The following KCNMA1 variants were observed in gnomAD, a reference collection of about 807,000 sequenced individuals.
KCNMA1 encodes the protein Calcium-activated potassium channel subunit alpha-1.
A neutral mutation model predicts 140.0 loss-of-function variants in KCNMA1; 29 were observed. The observed-to-expected ratio is 0.21, with a 90% CI of 0.15 to 0.28. The LOEUF (loss-of-function observed/expected upper bound fraction) is 0.28. Among genes scored for constraint, KCNMA1 ranks in the 10% least tolerant of loss-of-function variants. The pLI is 1.00. For synonymous variants in KCNMA1, 612 were observed against 611.9 expected (o/e 1.00, Z 0.00); for missense variants, 880 against 1,602.2 (o/e 0.55, Z 7.70).
chr10:77,110,419 C>T, intron 7 of KCNMA1, 76 bp from the exon 8 acceptor site: 4 of 1,320,406 alleles, frequency 3.0e-6, no homozygotes, highest in Admixed American at 1.7e-5. Flanking sequence ...CGCGGAAGCT[C>T]GGCACTCTCG....
chr10:77,631,646 G>C (rs2093220457), intron 1 of KCNMA1, among the ~76,000 whole-genome samples: 9 of 152,196 alleles, frequency 5.9e-5, no homozygotes, highest in Admixed American at 5.9e-4. Context: ...GAGAGAGAGA[G>C]AAAGAGAGAG....
intron 1 of KCNMA1, among the ~76,000 whole-genome samples, chr10:77,554,597 CAAAAA>C (rs59754706): frequency 3.6e-5 from 3 of 84,096 alleles, no homozygotes; most frequent in South Asian, 4.6e-4. Context: ...TACTCCATCT[CAAAAA>C]AAAAAAAAAA....
At chr10:77,396,042 T>C (rs1280030448) in intron 2 of KCNMA1, among the ~76,000 whole-genome samples, 1 of 152,170 alleles carries the variant, frequency 6.6e-6, no homozygotes, top group Non-Finnish European at 1.5e-5. Flanking sequence ...TGGGATGAAA[T>C]ACAGAACCAC....
chr10:77,388,487 A>T (rs1313616491), intron 2 of KCNMA1, among the ~76,000 whole-genome samples: 2 of 152,240 alleles, frequency 1.3e-5, no homozygotes, highest in Non-Finnish European at 1.5e-5. Context: ...AAAATTATTA[A>T]AGAGCCCAGA....
intron 14 of KCNMA1, among the ~76,000 whole-genome samples, chr10:77,059,821 C>T (rs899608650): frequency 6.6e-6 from 1 of 152,044 alleles, no homozygotes; most frequent in African/African-American, 2.4e-5. Flanking sequence ...TGTCTACTCC[C>T]ACTCCCTCTA....
chr10:76,884,067 C>G (rs958166598), downstream of KCNMA1: 4 of 744,772 alleles, frequency 5.4e-6, no homozygotes, highest in African/African-American at 7.6e-5. Flanking sequence ...GTTCCCATTC[C>G]ATTCCCATCA....
chr10:77,630,204 C>T (rs1356546105), intron 1 of KCNMA1, among the ~76,000 whole-genome samples: 1 of 152,204 alleles, frequency 6.6e-6, no homozygotes, highest in African/African-American at 2.4e-5. Context: ...TCAAACACTC[C>T]AGAGGGAGTG....
At chr10:77,571,633 G>T (rs532015264) in intron 1 of KCNMA1, among the ~76,000 whole-genome samples, 2 of 152,272 alleles carry the variant, frequency 1.3e-5, no homozygotes, top group Middle Eastern at 6.8e-3. Flanking sequence ...TATTTCTCCT[G>T]TAGGGGAAAG....
intron 2 of KCNMA1, among the ~76,000 whole-genome samples, chr10:77,296,908 T>TGGGGGGG (rs781675116): frequency 2.5e-5 from 2 of 80,262 alleles, no homozygotes; most frequent in African/African-American, 3.6e-5. Context: ...CCTGGGTGTG[T>TGGGGGGG]GGGCGGGGGG....
Position 77,612,252 on chromosome 10 carries a change from C to T in KCNMA1, c.378+25013G>A, listed in dbSNP as rs574460341. ...TTCTAGGTCATGGTCACGAAACTGG[C>T]TGAACTAGTCAAGAAGTCCTATCAT... On this transcript the variant is annotated intron_variant, in intron 1 of 27. Transcript: ENST00000286628. Among the ~76,000 whole-genome samples the T allele has an allele frequency of 3.9e-5, 6 of 152,360 alleles. 1 individual carries two copies. The South Asian group carries it at 8.3e-4, about 21-fold the overall frequency.
In KCNMA1 at chr10:77,452,718, C is replaced by T. The variant is rs557683448; in HGVS notation, c.379-48695G>A. Among the ~76,000 whole-genome samples, 67 of 152,256 alleles carry T rather than the reference C, an allele frequency of 4.4e-4. No homozygotes were observed. The South Asian group carries it at 6.4e-3, about 15-fold the overall frequency. ...TCTAAATACCCTTCTAAAAATGAGG[C>T]CTTTTCTGGGAATCAGTACTTAGCC... On this transcript the variant is annotated intron_variant, in intron 1 of 27. Transcript: ENST00000286628.
intron 16 of KCNMA1, among the ~76,000 whole-genome samples, chr10:77,024,142 C>T (rs1269827749): frequency 6.6e-6 from 1 of 152,136 alleles, no homozygotes; most frequent in African/African-American, 2.4e-5. Flanking sequence ...TTCTGGTATA[C>T]TTAGGACAAG....
chr10:77,149,447 T>A (rs1254009207), intron 5 of KCNMA1, among the ~76,000 whole-genome samples: 1 of 152,256 alleles, frequency 6.6e-6, no homozygotes, highest in Non-Finnish European at 1.5e-5. Flanking sequence ...GCTGTGTGAC[T>A]TGTCTCCTTC....
At chr10:77,048,025 G>T (rs2095173134) in intron 14 of KCNMA1, among the ~76,000 whole-genome samples, 1 of 151,914 alleles carries the variant, frequency 6.6e-6, no homozygotes, top group South Asian at 2.1e-4. Context: ...GCTCACGCCT[G>T]TAATCCCAGC....
chr10:76,967,397 G>T (rs1016662475), intron 20 of KCNMA1, among the ~76,000 whole-genome samples: 1 of 152,196 alleles, frequency 6.6e-6, no homozygotes, highest in African/African-American at 2.4e-5. Context: ...AAAAGCCACA[G>T]GGAGCTGGGA....
chr10:77,161,815 T>C (rs1186901235), intron 5 of KCNMA1, among the ~76,000 whole-genome samples: 1 of 152,240 alleles, frequency 6.6e-6, no homozygotes, highest in Admixed American at 6.5e-5. Flanking sequence ...TTTTGTTATA[T>C]TGACTTATGA....
At chr10:77,235,623 G>T (rs1205924151) in intron 3 of KCNMA1, among the ~76,000 whole-genome samples, 1 of 152,112 alleles carries the variant, frequency 6.6e-6, no homozygotes, top group Non-Finnish European at 1.5e-5. Flanking sequence ...ATTCAGCCCG[G>T]GTATGCAGAG....
intron 20 of KCNMA1, among the ~76,000 whole-genome samples, chr10:76,969,413 G>A (rs920164133): frequency 6.6e-6 from 1 of 152,212 alleles, no homozygotes; most frequent in African/African-American, 2.4e-5. Context: ...GATTACTTTT[G>A]AACTTTGCTT....
intron 9 of KCNMA1, among the ~76,000 whole-genome samples, chr10:77,093,280 T>C (rs1447428799): frequency 2.0e-5 from 3 of 152,118 alleles, no homozygotes; most frequent in Non-Finnish European, 2.9e-5. Context: ...AAAAGCGAGA[T>C]TGATTGAAAG....
Sources: gnomAD v4.1 joint callset for allele counts (sites outside exome capture counted in the v4.1 genomes callset) on GRCh38, gnomAD v4.1.1 for gene constraint, MANE v1.5 for transcripts, NCBI Gene and HGNC (gene_info 2026-07-23, HGNC 2026-07-21) for gene names.